The following PTPRM variants were observed in gnomAD, a reference collection of about 807,000 sequenced individuals.
PTPRM encodes the protein receptor-type tyrosine-protein phosphatase mu.
A neutral mutation model predicts 186.7 loss-of-function variants in PTPRM; 47 were observed. The ratio of observed to expected loss-of-function variants is 0.25; its 90% confidence interval spans 0.20 to 0.32. The LOEUF (loss-of-function observed/expected upper bound fraction) is 0.32, where lower values mean the gene tolerates loss of function less well. Among genes scored for constraint, PTPRM ranks in the 10% least tolerant of loss-of-function variants. The probability of loss-of-function intolerance (pLI) is 1.00; values close to 1 mark genes in which losing one functional copy is unlikely to be tolerated. For synonymous variants in PTPRM, 668 were observed against 674.9 expected, an observed-to-expected ratio of 0.99 and a Z score of 0.16; for missense variants, 1,494 against 1,865.0, an observed-to-expected ratio of 0.80 and a Z score of 3.66.
At chr18:7,974,288 G>T (rs2054784493) in intron 7 of PTPRM, among the ~76,000 whole-genome samples, 2 of 152,184 alleles carry the variant, frequency 1.3e-5, no homozygotes, top group Admixed American at 1.3e-4. Context: ...GATACAGTTA[G>T]TAGGCAAAAC....
At chr18:7,634,001 G>A (rs1159828906) in intron 1 of PTPRM, among the ~76,000 whole-genome samples, 3 of 151,914 alleles carry the variant, frequency 2.0e-5, no homozygotes, top group African/African-American at 7.3e-5. Context: ...TTTTTCACCT[G>A]GGAAAACACA....
At chr18:7,732,800 T>G (rs2040689412) in intron 1 of PTPRM, among the ~76,000 whole-genome samples, 1 of 152,138 alleles carries the variant, frequency 6.6e-6, no homozygotes, top group Admixed American at 6.5e-5. Flanking sequence ...CCACTGTGCC[T>G]GGCCTCACAA....
At chr18:7,993,169 C>T (rs929007620) in intron 7 of PTPRM, among the ~76,000 whole-genome samples, 3 of 151,200 alleles carry the variant, frequency 2.0e-5, no homozygotes, top group Non-Finnish European at 4.4e-5. Context: ...TTGAAATAAC[C>T]CAGTCAGACA....
intron 1 of PTPRM, among the ~76,000 whole-genome samples, chr18:7,711,844 T>C (rs932742127): frequency 7.2e-5 from 11 of 152,158 alleles, no homozygotes; most frequent in African/African-American, 2.6e-4. Flanking sequence ...CAGGGTCTTA[T>C]AGGTAAAACC....
chr18:7,660,178 AAT>A (rs992998442), intron 1 of PTPRM, among the ~76,000 whole-genome samples: 1 of 152,168 alleles, frequency 6.6e-6, no homozygotes. Context: ...CTCTACTAAA[AAT>A]AAAAAAATCA....
chr18:7,849,877 G>T (rs944552502), intron 2 of PTPRM, among the ~76,000 whole-genome samples: 2 of 152,180 alleles, frequency 1.3e-5, no homozygotes, highest in Non-Finnish European at 2.9e-5. Flanking sequence ...TGGTATGTAA[G>T]ATGCTACTTA....
chr18:8,372,165 G>A (rs1474446329), intron 24 of PTPRM, among the ~76,000 whole-genome samples: 6 of 139,100 alleles, frequency 4.3e-5, no homozygotes, highest in South Asian at 4.6e-4. Flanking sequence ...TCCGCTTCCC[G>A]GGTTCACGCC....
intron 1 of PTPRM, among the ~76,000 whole-genome samples, chr18:7,595,757 T>A (rs767621510): frequency 1.8e-4 from 28 of 152,190 alleles, no homozygotes; most frequent in Non-Finnish European, 3.8e-4. Context: ...CTATTTCTTG[T>A]GTAATTTTTG....
intron 2 of PTPRM, among the ~76,000 whole-genome samples, chr18:7,830,192 C>T (rs1400661795): frequency 1.3e-5 from 2 of 152,158 alleles, no homozygotes; most frequent in Non-Finnish European, 2.9e-5. Context: ...GGCCCTTCCC[C>T]TCTTACTGGG....
chr18:8,265,452 A>G (rs1455869894), intron 19 of PTPRM, among the ~76,000 whole-genome samples: 1 of 152,218 alleles, frequency 6.6e-6, no homozygotes, highest in African/African-American at 2.4e-5. Flanking sequence ...TGCAGCAGGA[A>G]GAAGGGAGAA....
At chr18:8,125,535 A>T (rs1219430869) in intron 13 of PTPRM, among the ~76,000 whole-genome samples, 1 of 151,992 alleles carries the variant, frequency 6.6e-6, no homozygotes, top group Non-Finnish European at 1.5e-5. Flanking sequence ...ATTCTTTTTC[A>T]TTTTTTTAAA....
intron 3 of PTPRM, 54 bp from the exon 4 acceptor site, chr18:7,906,451 T>A: frequency 7.2e-7 from 1 of 1,383,958 alleles, no homozygotes; most frequent in Non-Finnish European, 1.0e-6. Flanking sequence ...AGGAGATACT[T>A]GGTAAAAGTA....
rs138174297 is a variant in PTPRM at position 8,031,297 on chromosome 18, A to G, written c.1133-38389A>G. On this transcript the variant is annotated intron_variant, in intron 7 of 32. Transcript: ENST00000580170. ...TGTTGCTGCAATCAATACTTTGCAG[A>G]TAGTGCTAACAGCTTTTTCTATGAA... Among the ~76,000 whole-genome samples the G allele has an allele frequency of 6.6e-3, 1,009 of 152,318 alleles. 15 individuals carry two copies. The highest frequency in any genetic ancestry group is 0.023 in the African/African-American group (942 of 41,566).
intron 7 of PTPRM, among the ~76,000 whole-genome samples, chr18:7,984,047 A>C (rs534299885): frequency 2.0e-5 from 3 of 152,308 alleles, no homozygotes; most frequent in Admixed American, 2.0e-4. Context: ...GTGTTCTGGA[A>C]AACAATGTGT....
intron 12 of PTPRM, among the ~76,000 whole-genome samples, chr18:8,114,134 A>G (rs934672895): frequency 7.9e-5 from 12 of 152,194 alleles, no homozygotes; most frequent in South Asian, 2.1e-4. Flanking sequence ...TTTTCAGCAT[A>G]GTCTGTCCCA....
chr18:7,745,952 C>CA (rs2040976249), intron 1 of PTPRM, among the ~76,000 whole-genome samples: 1 of 151,902 alleles, frequency 6.6e-6, no homozygotes, highest in South Asian at 2.1e-4. Flanking sequence ...CAAACTGAGT[C>CA]AAAGAGAGAC....
At chr18:8,029,876 T>C (rs2085844483) in intron 7 of PTPRM, among the ~76,000 whole-genome samples, 1 of 152,212 alleles carries the variant, frequency 6.6e-6, no homozygotes, top group African/African-American at 2.4e-5. Context: ...CCCTGTGTGA[T>C]CTGACCATCC....
chr18:7,946,797 G>A (rs1234299583), intron 5 of PTPRM: 1 of 381,674 alleles, frequency 2.6e-6, no homozygotes, highest in Non-Finnish European at 5.1e-6. Context: ...AATGTTGATG[G>A]AACTGTTCTT....
chr18:8,133,354 C>T (rs986273484), intron 13 of PTPRM, among the ~76,000 whole-genome samples: 1 of 152,206 alleles, frequency 6.6e-6, no homozygotes, highest in Non-Finnish European at 1.5e-5. Context: ...CATGTTCAAA[C>T]ATCTTCCTTC....
Sources: gnomAD v4.1 joint callset for allele counts (sites outside exome capture counted in the v4.1 genomes callset) on GRCh38, gnomAD v4.1.1 for gene constraint, MANE v1.5 for transcripts, NCBI Gene and HGNC (gene_info 2026-07-23, HGNC 2026-07-21) for gene names.